The following NTM variants were observed in gnomAD, a reference collection of about 807,000 sequenced individuals.
NTM encodes neurotrimin.
In NTM, 13 loss-of-function variants were observed where a neutral mutation model predicts 42.1. The observed-to-expected ratio is 0.31, with a 90% CI of 0.20 to 0.49. The LOEUF (loss-of-function observed/expected upper bound fraction) is 0.49. NTM is among the 20% of genes least tolerant of loss of function. The pLI, the probability that NTM is intolerant of heterozygous loss-of-function variation, is 0.99. For missense variants in NTM, 373 were observed against 452.8 expected (o/e 0.82, Z 1.60); for synonymous variants, 187 against 179.2 (o/e 1.04, Z -0.35).
intron 1 of NTM, among the ~76,000 whole-genome samples, chr11:131,465,218 G>A (rs375495305): frequency 5.9e-5 from 9 of 152,268 alleles, no homozygotes; most frequent in African/African-American, 9.6e-5. Flanking sequence ...GCTGGGTGGC[G>A]AGGTGGAGCT....
intron 1 of NTM, among the ~76,000 whole-genome samples, chr11:131,466,872 C>T (rs559166018): frequency 7.4e-4 from 113 of 152,176 alleles, no homozygotes; most frequent in African/African-American, 2.5e-3. Context: ...AGACTTATTC[C>T]TCACTCGGTC....
At chr11:131,987,378 C>CCTATTCTATT (rs60741014) in intron 2 of NTM, among the ~76,000 whole-genome samples, 6,945 of 147,836 alleles carry the variant, frequency 0.047, 257 homozygotes, top group East Asian at 0.11. Flanking sequence ...TCCTATTCCT[C>CCTATTCTATT]CTATTCTATT....
intron 1 of NTM, among the ~76,000 whole-genome samples, chr11:131,679,537 C>T (rs1365110165): frequency 6.6e-6 from 1 of 151,956 alleles, no homozygotes; most frequent in Non-Finnish European, 1.5e-5. Context: ...GGGCATGCTG[C>T]CTGCCCAGCT....
chr11:132,129,936 T>A (rs2066526229), intron 2 of NTM, among the ~76,000 whole-genome samples: 2 of 152,346 alleles, frequency 1.3e-5, no homozygotes, highest in Admixed American at 1.3e-4. Context: ...TTGGTCAGGC[T>A]TTTTATTGAG....
At chr11:131,773,941 C>G (rs1414355628) in intron 1 of NTM, 1 of 911,046 alleles carries the variant, frequency 1.1e-6, no homozygotes, top group African/African-American at 1.8e-5. Context: ...ACAATTCCCA[C>G]AAGTGTGTTA....
intron 1 of NTM, among the ~76,000 whole-genome samples, chr11:131,416,864 T>A (rs1309265288): frequency 6.6e-6 from 1 of 152,206 alleles, no homozygotes; most frequent in Non-Finnish European, 1.5e-5. Context: ...GAAAAAAAGA[T>A]AAAAATAAAT....
chr11:131,468,904 G>C (rs1419182223), intron 1 of NTM, among the ~76,000 whole-genome samples: 1 of 152,224 alleles, frequency 6.6e-6, no homozygotes, highest in Non-Finnish European at 1.5e-5. Context: ...GCTGAGCCTG[G>C]ACCTGGCAGG....
intron 1 of NTM, among the ~76,000 whole-genome samples, chr11:131,664,139 C>G (rs1042276702): frequency 3.3e-5 from 5 of 152,200 alleles, no homozygotes; most frequent in Admixed American, 6.5e-5. Context: ...AGGGAGGTGA[C>G]AAAGAGCTGG....
At chr11:131,586,979 T>C (rs1592132904) in intron 1 of NTM, among the ~76,000 whole-genome samples, 1 of 152,058 alleles carries the variant, frequency 6.6e-6, no homozygotes, top group East Asian at 1.9e-4. Flanking sequence ...AAAAAATAAG[T>C]GATGCTCAAT....
intron 1 of NTM, among the ~76,000 whole-genome samples, chr11:131,437,572 T>G (rs1268457737): frequency 6.6e-6 from 1 of 152,230 alleles, no homozygotes; most frequent in Non-Finnish European, 1.5e-5. Flanking sequence ...CTTTGTTGGT[T>G]TGAAGTCTGT....
At chr11:131,686,777 TG>T (rs1331895723) in intron 1 of NTM, among the ~76,000 whole-genome samples, 1 of 152,136 alleles carries the variant, frequency 6.6e-6, no homozygotes, top group Non-Finnish European at 1.5e-5. Flanking sequence ...CAGATCGGAA[TG>T]GGGTCATTTC....
chr11:131,663,050 C>G (rs2068363815), intron 1 of NTM: 3 of 152,216 alleles, frequency 2.0e-5, no homozygotes, highest in Admixed American at 6.5e-5. Flanking sequence ...CCCAGCACTA[C>G]TGGGCCCTGG....
intron 4 of NTM, among the ~76,000 whole-genome samples, chr11:132,232,860 C>T (rs2087913884): frequency 6.6e-6 from 1 of 152,138 alleles, no homozygotes; most frequent in African/African-American, 2.4e-5. Flanking sequence ...AACACAAACT[C>T]AAAAAGCAAA....
chr11:131,867,797 T>A (rs2047379020), intron 1 of NTM, among the ~76,000 whole-genome samples: 1 of 152,112 alleles, frequency 6.6e-6, no homozygotes, highest in South Asian at 2.1e-4. Flanking sequence ...GAGAGGGTGT[T>A]GGGGCACAAA....
intron 1 of NTM, among the ~76,000 whole-genome samples, chr11:131,587,770 G>A (rs942569281): frequency 6.6e-6 from 1 of 152,204 alleles, no homozygotes; most frequent in Admixed American, 6.5e-5. Context: ...GAAACAACTG[G>A]AGGAAGTAAG....
At chr11:131,841,256 G>A (rs1336112565) in intron 1 of NTM, among the ~76,000 whole-genome samples, 1 of 152,124 alleles carries the variant, frequency 6.6e-6, no homozygotes, top group African/African-American at 2.4e-5. Context: ...GGGAAGTACT[G>A]CCAAGTGTTG....
intron 1 of NTM, among the ~76,000 whole-genome samples, chr11:131,397,300 T>A (rs1228638931): frequency 1.3e-5 from 2 of 152,106 alleles, no homozygotes; most frequent in African/African-American, 4.8e-5. Context: ...GCTGAGAGGA[T>A]CCCTCAGGGC....
intron 7 of NTM, among the ~76,000 whole-genome samples, chr11:132,320,605 G>A (rs1592006797): frequency 6.6e-6 from 1 of 152,194 alleles, no homozygotes; most frequent in East Asian, 1.9e-4. Context: ...GGGGAGGGGT[G>A]CCCGCCATTG....
At chr11:131,855,497 A>C (rs2045999343) in intron 1 of NTM, among the ~76,000 whole-genome samples, 1 of 152,220 alleles carries the variant, frequency 6.6e-6, no homozygotes, top group Non-Finnish European at 1.5e-5. Flanking sequence ...CAAAACAGAT[A>C]ACACACAAAA....
Sources: allele counts gnomAD v4.1 joint callset (sites outside exome capture counted in the v4.1 genomes callset), GRCh38; gene constraint gnomAD v4.1.1; transcripts MANE v1.5; gene names NCBI Gene and HGNC (gene_info 2026-07-23, HGNC 2026-07-21).